Variants in CDH12 observed in about 807,000 individuals in gnomAD.
CDH12 encodes cadherin-12.
CDH12 carries 41 observed loss-of-function variants against 74.1 expected under a neutral mutation model. That is an observed-to-expected ratio of 0.55 (90% confidence interval 0.43 to 0.72). The LOEUF is 0.72. Ranked by LOEUF, CDH12 falls within the 30% of genes least tolerant of loss-of-function variation. CDH12 has a pLI of 0.00. For missense variants in CDH12, 945 were observed against 977.2 expected, an observed-to-expected ratio of 0.97 and a Z score of 0.44; for synonymous variants, 399 against 355.0, an observed-to-expected ratio of 1.12 and a Z score of -1.39.
At chr5:21,755,044 A>G (rs1744308104) in intron 14 of CDH12, among the ~76,000 whole-genome samples, 1 of 152,220 alleles carries the variant, frequency 6.6e-6, no homozygotes, top group African/African-American at 2.4e-5. Context: ...AGAAAGTGGA[A>G]GAATTACTTA....
At chr5:22,036,436 G>A (rs1286162662) in intron 5 of CDH12, among the ~76,000 whole-genome samples, 1 of 152,124 alleles carries the variant, frequency 6.6e-6, no homozygotes, top group African/African-American at 2.4e-5. Flanking sequence ...AGGAAATGGG[G>A]ACCCTTTCAG....
intron 1 of CDH12, among the ~76,000 whole-genome samples, chr5:22,827,636 G>A (rs1736406539): frequency 6.6e-6 from 1 of 152,136 alleles, no homozygotes; most frequent in Non-Finnish European, 1.5e-5. Context: ...ACAACATCTT[G>A]CCTTTCTTAA....
At chr5:21,886,805 A>G (rs1035523836) in intron 6 of CDH12, among the ~76,000 whole-genome samples, 1 of 151,812 alleles carries the variant, frequency 6.6e-6, no homozygotes, top group South Asian at 2.1e-4. Flanking sequence ...ATATTTTATT[A>G]CTTATCTCTC....
At chr5:22,014,204 C>G (rs1036585801) in intron 5 of CDH12, among the ~76,000 whole-genome samples, 1 of 152,134 alleles carries the variant, frequency 6.6e-6, no homozygotes, top group African/African-American at 2.4e-5. Flanking sequence ...TCCATCCAGC[C>G]TGGGTGACAG....
intron 6 of CDH12, among the ~76,000 whole-genome samples, chr5:21,861,899 AGTGTGTGTGT>A (rs59953319): frequency 8.1e-5 from 12 of 147,722 alleles, no homozygotes; most frequent in African/African-American, 1.5e-4. Flanking sequence ...GGTCATTTCT[AGTGTGTGTGT>A]GTGTGTGTGT....
intron 6 of CDH12, among the ~76,000 whole-genome samples, chr5:21,919,531 C>G (rs1348104028): frequency 1.3e-5 from 2 of 152,042 alleles, no homozygotes; most frequent in Non-Finnish European, 2.9e-5. Flanking sequence ...AATTCTTCTT[C>G]CTTTCTCTCA....
intron 4 of CDH12, among the ~76,000 whole-genome samples, chr5:22,194,658 G>GA (rs1372492487): frequency 6.6e-6 from 1 of 151,984 alleles, no homozygotes; most frequent in Non-Finnish European, 1.5e-5. Context: ...TTTACTTTAT[G>GA]AAAAAAACTT....
At chr5:22,288,152 A>G (rs1467954049) in intron 3 of CDH12, among the ~76,000 whole-genome samples, 1 of 152,188 alleles carries the variant, frequency 6.6e-6, no homozygotes, top group African/African-American at 2.4e-5. Flanking sequence ...GGTCAGAGCC[A>G]GACCCATTCT....
chr5:22,406,838 T>C (rs1163772588), intron 2 of CDH12, among the ~76,000 whole-genome samples: 1 of 152,098 alleles, frequency 6.6e-6, no homozygotes, highest in African/African-American at 2.4e-5. Context: ...TGCATCACAG[T>C]TGAAAGAATC....
At chr5:22,053,559 A>C (rs10067270) in intron 5 of CDH12, among the ~76,000 whole-genome samples, 3,381 of 151,562 alleles carry the variant, frequency 0.022, 120 homozygotes, top group African/African-American at 0.075. Context: ...TCAATTTTGG[A>C]CTCTAGTTCA....
At chr5:22,017,035 A>G (rs1561023501) in intron 5 of CDH12, among the ~76,000 whole-genome samples, 1 of 152,110 alleles carries the variant, frequency 6.6e-6, no homozygotes, top group Non-Finnish European at 1.5e-5. Context: ...ACCCACCATT[A>G]CAAACTCAAG....
chr5:22,591,775 G>C (rs996785490), intron 1 of CDH12, among the ~76,000 whole-genome samples: 47 of 152,064 alleles, frequency 3.1e-4, no homozygotes, highest in Admixed American at 7.9e-4. Context: ...TATTATCTAT[G>C]TGCACATACA....
chr5:22,078,668 T>G lies in CDH12; in HGVS notation c.9A>C (p.Thr3=). The G allele has an allele frequency of 1.2e-6, 2 of 1,613,628 alleles. No individual in the cohort carries two copies. Among genetic ancestry groups the G allele is most frequent in the Non-Finnish European group, 1.7e-6 (2 of 1,179,664 alleles). Residue 3 remains threonine (T), a synonymous_variant, in exon 5 of 15, where the codon ACA becomes ACC. Transcript: ENST00000382254. ...AGAGAAGCAGGGATAAACAGTTCCTTGTAAGCATTGGCAAAGGCTTTCCTA... is the reference window on the plus strand; with the variant it reads ...AGAGAAGCAGGGATAAACAGTTCCTGGTAAGCATTGGCAAAGGCTTTCCTA... ML[T]RNCLSLLLWV...
At chr5:22,426,418 A>G (rs1488547649) in intron 2 of CDH12, among the ~76,000 whole-genome samples, 2 of 151,996 alleles carry the variant, frequency 1.3e-5, no homozygotes, top group African/African-American at 4.8e-5. Context: ...TATTATGCCT[A>G]TGGTCAATTT....
At chr5:22,020,450 G>C (rs147326662) in intron 5 of CDH12, among the ~76,000 whole-genome samples, 14 of 151,972 alleles carry the variant, frequency 9.2e-5, no homozygotes, top group African/African-American at 3.4e-4. Flanking sequence ...GCTACTCGGG[G>C]GGCTGAGGCA....
At chr5:21,794,283 TTTTG>T (rs1458053867) in intron 10 of CDH12, among the ~76,000 whole-genome samples, 3 of 151,790 alleles carry the variant, frequency 2.0e-5, no homozygotes, top group African/African-American at 7.2e-5. Flanking sequence ...GTTTGCTTTT[TTTTG>T]TTTTTCATTT....
chr5:22,023,581 A>C (rs73742039), intron 5 of CDH12, among the ~76,000 whole-genome samples: 21,476 of 149,416 alleles, frequency 0.14, 1,893 homozygotes, highest in African/African-American at 0.26. Flanking sequence ...CTCTCTCTCT[A>C]TATATATATA....
intron 4 of CDH12, among the ~76,000 whole-genome samples, chr5:22,182,355 T>A (rs371461838): frequency 2.0e-5 from 3 of 152,186 alleles, no homozygotes; most frequent in East Asian, 3.9e-4. Context: ...CATGTTGGTG[T>A]TGTAATTGTA....
rs528133989 is a variant in CDH12 at position 22,181,394 on chromosome 5, C to T, written c.-187+31104G>A. Among the ~76,000 whole-genome samples the T allele has an allele frequency of 2.6e-5, 4 of 152,210 alleles. No homozygotes were observed. The East Asian group carries it at 7.7e-4, about 29-fold the overall frequency. On this transcript the variant is annotated intron_variant, in intron 4 of 14. Coordinates refer to ENST00000382254, the MANE Select transcript of CDH12 (RefSeq NM_004061.5). ...TCTTCCCCATCCTCCTTTACAGTCT[C>T]CTTAGACATCTCATCTTCTATGGAA... is the stretch of plus-strand genomic sequence containing the variant.
Sources: gnomAD v4.1 joint callset for allele counts (sites outside exome capture counted in the v4.1 genomes callset) on GRCh38, gnomAD v4.1.1 for gene constraint, MANE v1.5 for transcripts, NCBI Gene and HGNC (gene_info 2026-07-23, HGNC 2026-07-21) for gene names.